The following NGEF variants were observed in gnomAD, a reference collection of about 807,000 sequenced individuals.
The protein encoded by NGEF is neuronal guanine nucleotide exchange factor, also known as ephexin-1.
A neutral mutation model predicts 80.9 loss-of-function variants in NGEF; 31 were observed. The observed-to-expected ratio is 0.38, with a 90% CI of 0.29 to 0.52. The LOEUF (loss-of-function observed/expected upper bound fraction) is 0.52. Ranked by LOEUF, NGEF falls within the 20% of genes least tolerant of loss-of-function variation. The pLI is 0.84. For synonymous variants in NGEF, 371 were observed against 370.2 expected (o/e 1.00, Z -0.03); for missense variants, 709 against 926.2 (o/e 0.77, Z 3.04).
chr2:232,899,041 GGTGTGGAT>G (rs141119753), intron 5 of NGEF, among the ~76,000 whole-genome samples: 7,222 of 151,810 alleles, frequency 0.048, 253 homozygotes, highest in East Asian at 0.17. Context: ...TATGAGGGTG[GGTGTGGAT>G]GTGTGGATGT....
At chr2:232,897,421 G>A (rs1300810847) in intron 5 of NGEF, among the ~76,000 whole-genome samples, 1 of 152,196 alleles carries the variant, frequency 6.6e-6, no homozygotes, top group Middle Eastern at 3.4e-3. Context: ...AAGTGAAGTT[G>A]CATCCAGAAA....
intron 3 of NGEF, among the ~76,000 whole-genome samples, chr2:232,965,470 A>G (rs1271210597): frequency 6.6e-6 from 1 of 152,152 alleles, no homozygotes; most frequent in Non-Finnish European, 1.5e-5. Context: ...AGTTATGTGG[A>G]TGACAGACCT....
chr2:232,975,929 C>T (rs1277163108), intron 1 of NGEF, among the ~76,000 whole-genome samples: 3 of 152,094 alleles, frequency 2.0e-5, no homozygotes, highest in Non-Finnish European at 2.9e-5. Flanking sequence ...AGAGACTTGG[C>T]CAGGCACCGG....
chr2:232,950,380 T>C (rs562667573), intron 3 of NGEF, among the ~76,000 whole-genome samples: 123 of 152,344 alleles, frequency 8.1e-4, no homozygotes, highest in African/African-American at 2.9e-3. Flanking sequence ...GGAACTTCTT[T>C]CTAAAGGATT....
chr2:232,903,984 C>G (rs1475156827), intron 5 of NGEF, among the ~76,000 whole-genome samples: 1 of 152,178 alleles, frequency 6.6e-6, no homozygotes, highest in Non-Finnish European at 1.5e-5. Context: ...TGTACAGATG[C>G]AGACTGAGCT....
intron 1 of NGEF, among the ~76,000 whole-genome samples, chr2:232,996,067 A>C (rs1481514220): frequency 1.3e-5 from 2 of 152,066 alleles, no homozygotes; most frequent in Admixed American, 6.6e-5. Context: ...GGCAGTCAAC[A>C]TGAAAAGGAG....
intron 1 of NGEF, among the ~76,000 whole-genome samples, chr2:232,993,167 T>TC (rs1491228507): frequency 9.9e-5 from 5 of 50,346 alleles, no homozygotes; most frequent in Non-Finnish European, 1.3e-4. Context: ...ATATATATAT[T>TC]ATATATATAA....
chr2:232,964,000 A>G (rs1281278142), intron 3 of NGEF, among the ~76,000 whole-genome samples: 1 of 152,222 alleles, frequency 6.6e-6, no homozygotes, highest in Non-Finnish European at 1.5e-5. Context: ...GGTGTTCAAC[A>G]TCCTTAGTTA....
chr2:232,988,842 GT>G (rs1694595029), intron 1 of NGEF, among the ~76,000 whole-genome samples: 2 of 152,166 alleles, frequency 1.3e-5, no homozygotes, highest in African/African-American at 2.4e-5. Flanking sequence ...AAAAGAGGAA[GT>G]TCCATGTACA....
At chr2:232,895,011 AG>A in intron 5 of NGEF, 95 bp from the exon 6 acceptor site, 1 of 1,401,666 alleles carries the variant, frequency 7.1e-7, no homozygotes, top group Non-Finnish European at 9.7e-7. Context: ...GAGGCTCAGC[AG>A]GGAGTTGAAA....
intron 1 of NGEF, among the ~76,000 whole-genome samples, chr2:232,977,176 G>C (rs912073230): frequency 2.0e-5 from 3 of 152,020 alleles, no homozygotes; most frequent in Admixed American, 6.6e-5. Flanking sequence ...AGAGAGAGAG[G>C]CTTCCAACCT....
rs1294391682 is a variant in NGEF at position 232,904,993 on chromosome 2, C to T, written c.829-10077G>A. 3.3e-5 allele frequency among the ~76,000 whole-genome samples: 5 copies of T among 152,248 alleles called. 1 individual carries two copies. In the South Asian group the frequency reaches 6.2e-4, roughly 19 times the overall value. ...CAAACTATTAATAAGCTGAGAAAGT[C>T]CTATGCAGGAACTCTTTCCCATTTC... On this transcript the variant is annotated intron_variant, in intron 5 of 14. Coordinates refer to ENST00000264051, the MANE Select transcript of NGEF (RefSeq NM_019850.3).
In NGEF at chr2:232,974,679, C is replaced by A; in HGVS notation, c.212G>T (p.Arg71Leu). 1 of 1,614,190 alleles carries A rather than the reference C, an allele frequency of 6.2e-7. No homozygotes were observed. Among genetic ancestry groups the A allele is most frequent in the Non-Finnish European group, 8.5e-7 (1 of 1,180,044 alleles). ...RNSIFNRSIR[R>L]KSKAKARDNP... ...GTCTCTGGCCTTGGCTTTGCTTTTGCGTCTTATGGAGCGATTGAAGATGGA... is the reference window on the plus strand; with the variant it reads ...GTCTCTGGCCTTGGCTTTGCTTTTGAGTCTTATGGAGCGATTGAAGATGGA... The change falls in exon 2 of 15, where the codon CGC becomes CTC. Residue 71 changes from arginine to leucine, a missense_variant. Arg to Leu is a moderately radical substitution (Grantham distance 102). Around this residue, in one of 2 missense-constraint regions of NGEF, gnomAD observed 283 missense variants for 303.4 expected, o/e 0.93. Transcript: ENST00000264051.
chr2:232,923,832 T>C (rs1424196258), intron 4 of NGEF, among the ~76,000 whole-genome samples: 2 of 152,180 alleles, frequency 1.3e-5, no homozygotes, highest in Non-Finnish European at 2.9e-5. Flanking sequence ...CAGATTCGTA[T>C]GTTGGAACCT....
In NGEF at chr2:232,879,429, C is replaced by T. The variant is rs751706690; in HGVS notation, c.*60G>A. On this transcript the variant is annotated 3_prime_UTR_variant, in exon 15 of 15. Coordinates refer to ENST00000264051, the MANE Select transcript of NGEF (RefSeq NM_019850.3). ...GCCTGTGCTTCCCAGAGCCCCCCCCCCCCCACCTTCTGTCGGGGTCTCATG... is the reference window on the plus strand; with the variant it reads ...GCCTGTGCTTCCCAGAGCCCCCCCCTCCCCACCTTCTGTCGGGGTCTCATG... The T allele has an allele frequency of 4.8e-6, 7 of 1,456,270 alleles. No individual in the cohort carries two copies. Among genetic ancestry groups the T allele is most frequent in the Non-Finnish European group, 6.5e-6 (7 of 1,069,534 alleles). The allele number at this position is 1,456,270 out of a possible 1,614,324, so 90.2% of individuals were successfully genotyped here.
At position 232,970,203 on chromosome 2, in the gene NGEF, C is replaced by A; in HGVS notation, c.383+11G>T. The A allele has an allele frequency of 6.7e-7, 1 of 1,497,884 alleles. No individual in the cohort carries two copies. Among genetic ancestry groups the A allele is most frequent in the Non-Finnish European group, 9.1e-7 (1 of 1,103,246 alleles). 92.8% of individuals were successfully genotyped at this position (1,497,884 alleles called of 1,614,324 possible). A position where few individuals can be genotyped will look rare whatever the true frequency, so the allele number is the denominator to read the frequency against. ...CCAGACCAGCATTCCTCATGATCTG[C>A]CATCTCTTACCTCATTTCCTGGGCT... On this transcript the variant is annotated intron_variant, in intron 3 of 14. Coordinates refer to ENST00000264051, the MANE Select transcript of NGEF (RefSeq NM_019850.3).
At chr2:232,925,609 AC>A (rs1693046986) in intron 4 of NGEF, among the ~76,000 whole-genome samples, 1 of 151,938 alleles carries the variant, frequency 6.6e-6, no homozygotes, top group Non-Finnish European at 1.5e-5. Context: ...AGCTCCACAC[AC>A]CCACAGTGCA....
intron 1 of NGEF, among the ~76,000 whole-genome samples, chr2:232,977,610 A>G (rs576896961): frequency 4.6e-5 from 7 of 152,092 alleles, no homozygotes; most frequent in Non-Finnish European, 1.0e-4. Context: ...GTGGACAGTG[A>G]TAGGCAGGGG....
chr2:232,928,165 C>G (rs1389859699), intron 3 of NGEF: 4 of 974,644 alleles, frequency 4.1e-6, no homozygotes, highest in Non-Finnish European at 4.8e-6. Context: ...CGCGGGCGGG[C>G]GCGCGCCTGG....
Sources: gnomAD v4.1 joint callset for allele counts (sites outside exome capture counted in the v4.1 genomes callset) on GRCh38, gnomAD v4.1.1 for gene constraint, gnomAD v4.1.1 regional missense constraint, MANE v1.5 for transcripts, NCBI Gene and HGNC (gene_info 2026-07-23, HGNC 2026-07-21) for gene names.